SUPT3H: variants seen among roughly 807,000 people sequenced by gnomAD.
The protein encoded by SUPT3H is transcription initiation protein SPT3 homolog.
Under a neutral mutation model 44.3 loss-of-function variants are expected in SUPT3H, and 44 were observed. The ratio of observed to expected loss-of-function variants is 0.99; its 90% CI spans 0.78 to 1.28. The LOEUF (loss-of-function observed/expected upper bound fraction) is 1.28, where lower values mean the gene tolerates loss of function less well. Among genes scored for constraint, SUPT3H ranks in the 50% most tolerant of loss-of-function variants. The probability of loss-of-function intolerance (pLI) is 0.00; values close to 1 mark genes in which losing one functional copy is unlikely to be tolerated. For synonymous variants in SUPT3H, 124 were observed against 125.6 expected, an observed-to-expected ratio of 0.99 and a Z score of 0.09; for missense variants, 380 against 387.1, an observed-to-expected ratio of 0.98 and a Z score of 0.15.
At chr6:44,993,390 T>C (rs1279034168) in intron 6 of SUPT3H, among the ~76,000 whole-genome samples, 2 of 151,942 alleles carry the variant, frequency 1.3e-5, no homozygotes, top group Non-Finnish European at 2.9e-5. Context: ...TAGGTTAGAG[T>C]TCCATTTTTA....
intron 10 of SUPT3H, among the ~76,000 whole-genome samples, chr6:44,838,720 T>G (rs1043611376): frequency 5.3e-5 from 8 of 152,128 alleles, no homozygotes; most frequent in Non-Finnish European, 1.0e-4. Context: ...AATCACTGCT[T>G]TAGGGCCTGG....
At position 45,198,240 on chromosome 6, in the gene SUPT3H, T is replaced by G. The variant is rs76159706; in HGVS notation, c.102-92234A>C. 5.6e-3 allele frequency among the ~76,000 whole-genome samples: 853 copies of G among 151,450 alleles called. 4 individuals carry two copies. Among genetic ancestry groups the G allele is most frequent in the Non-Finnish European group, 9.9e-3 (669 of 67,360 alleles). On this transcript the variant is annotated intron_variant, in intron 2 of 10. Coordinates refer to ENST00000371459, the MANE Select transcript of SUPT3H (RefSeq NM_003599.4). ...AAAATAGGAATACATATTCTAGTGATGCAGTTTTCTGATTTGAAACAGGAT... is the reference window on the plus strand; with the variant it reads ...AAAATAGGAATACATATTCTAGTGAGGCAGTTTTCTGATTTGAAACAGGAT...
chr6:45,144,675 G>C (rs1277008975), intron 2 of SUPT3H, among the ~76,000 whole-genome samples: 1 of 151,932 alleles, frequency 6.6e-6, no homozygotes, highest in African/African-American at 2.4e-5. Context: ...AAAAACGAAA[G>C]AAATAAGGGG....
At chr6:44,834,873 C>T (rs1769521907) in intron 10 of SUPT3H, among the ~76,000 whole-genome samples, 1 of 151,832 alleles carries the variant, frequency 6.6e-6, no homozygotes, top group South Asian at 2.1e-4. Context: ...GGCGGAGGGG[C>T]GGTTAGGGGA....
At chr6:45,021,249 T>G (rs1231885583) in intron 3 of SUPT3H, among the ~76,000 whole-genome samples, 1 of 151,894 alleles carries the variant, frequency 6.6e-6, no homozygotes, top group East Asian at 1.9e-4. Context: ...CACAAAACAT[T>G]ACTGCACTAA....
At chr6:45,083,834 A>C (rs917078987) in intron 3 of SUPT3H, among the ~76,000 whole-genome samples, 1 of 152,202 alleles carries the variant, frequency 6.6e-6, no homozygotes, top group African/African-American at 2.4e-5. Context: ...GACAAAACTA[A>C]GCAATGGAGA....
At chr6:44,896,954 T>C (rs543712392) in intron 10 of SUPT3H, among the ~76,000 whole-genome samples, 1 of 152,208 alleles carries the variant, frequency 6.6e-6, no homozygotes, top group Non-Finnish European at 1.5e-5. Context: ...AAGCGCCTTA[T>C]GCAAATTATC....
chr6:44,937,685 G>A (rs1338371563), intron 9 of SUPT3H, among the ~76,000 whole-genome samples: 1 of 151,964 alleles, frequency 6.6e-6, no homozygotes, highest in Non-Finnish European at 1.5e-5. Flanking sequence ...TAGTGATGTT[G>A]AGCATTTCTT....
intron 3 of SUPT3H, among the ~76,000 whole-genome samples, chr6:45,069,047 AG>A (rs1793947126): frequency 6.6e-6 from 1 of 152,148 alleles, no homozygotes; most frequent in African/African-American, 2.4e-5. Context: ...TGTGATTCCT[AG>A]TGTACTTTAC....
At chr6:45,093,935 T>A (rs1195804245) in intron 3 of SUPT3H, among the ~76,000 whole-genome samples, 1 of 152,044 alleles carries the variant, frequency 6.6e-6, no homozygotes, top group African/African-American at 2.4e-5. Flanking sequence ...TTTAATAGAG[T>A]AGTGAAAGCA....
intron 2 of SUPT3H, among the ~76,000 whole-genome samples, chr6:45,268,319 G>A (rs1584586430): frequency 6.6e-6 from 1 of 152,106 alleles, no homozygotes; most frequent in Non-Finnish European, 1.5e-5. Flanking sequence ...ACATAAAAAT[G>A]CCATCAAACT....
intron 2 of SUPT3H, among the ~76,000 whole-genome samples, chr6:45,300,790 G>A (rs908658119): frequency 1.3e-5 from 2 of 150,280 alleles, no homozygotes; most frequent in Non-Finnish European, 1.5e-5. Context: ...TAAAGGGCTG[G>A]GGAAAGTGGG....
chr6:45,171,720 T>TTTC (rs1810805253), intron 2 of SUPT3H, among the ~76,000 whole-genome samples: 1 of 137,382 alleles, frequency 7.3e-6, no homozygotes, highest in Non-Finnish European at 1.6e-5. Context: ...TTGCTTTTTT[T>TTTC]TTTTTTTTTT....
chr6:45,027,280 C>A (rs1463585952), intron 3 of SUPT3H, among the ~76,000 whole-genome samples: 1 of 152,140 alleles, frequency 6.6e-6, no homozygotes, highest in Admixed American at 6.5e-5. Context: ...CACGTAGGAG[C>A]TACCGTGCCC....
intron 10 of SUPT3H, among the ~76,000 whole-genome samples, chr6:44,913,084 A>G (rs1767302983): frequency 6.6e-6 from 1 of 152,206 alleles, no homozygotes; most frequent in African/African-American, 2.4e-5. Context: ...CCTCAGGAAA[A>G]AGAGGCTTCA....
chr6:44,890,770 TAAA>T (rs201340918), intron 10 of SUPT3H, among the ~76,000 whole-genome samples: 16 of 141,662 alleles, frequency 1.1e-4, no homozygotes, highest in South Asian at 2.3e-4. Context: ...ATAATAATAA[TAAA>T]AAAAAAAGAA....
intron 10 of SUPT3H, among the ~76,000 whole-genome samples, chr6:44,843,060 T>TA (rs1581936394): frequency 1.3e-5 from 2 of 152,070 alleles, no homozygotes; most frequent in African/African-American, 4.8e-5. Context: ...TTAGAAATAG[T>TA]AAAAAAATAA....
chr6:45,147,366 C>T (rs563991518), intron 2 of SUPT3H, among the ~76,000 whole-genome samples: 2 of 152,186 alleles, frequency 1.3e-5, no homozygotes, highest in African/African-American at 4.8e-5. Context: ...ACATTTTGAC[C>T]TACCTTTTCT....
At chr6:45,352,755 GTA>G (rs150567905) in intron 2 of SUPT3H, among the ~76,000 whole-genome samples, 20,124 of 151,896 alleles carry the variant, frequency 0.13, 1,536 homozygotes, top group East Asian at 0.26. Flanking sequence ...CTTAGATCAT[GTA>G]TTTACAAAAT....
Sources: gnomAD v4.1 joint callset for allele counts (sites outside exome capture counted in the v4.1 genomes callset) on GRCh38, gnomAD v4.1.1 for gene constraint, MANE v1.5 for transcripts, NCBI Gene and HGNC (gene_info 2026-07-23, HGNC 2026-07-21) for gene names.